The following UNC5D variants were observed in gnomAD, a reference collection of about 807,000 sequenced individuals.
UNC5D encodes netrin receptor UNC5D.
A neutral mutation model predicts 105.4 loss-of-function variants in UNC5D; 39 were observed. That is an observed-to-expected ratio of 0.37 (90% CI 0.29 to 0.48). The LOEUF (loss-of-function observed/expected upper bound fraction) is 0.48, where lower values mean the gene tolerates loss of function less well. Ranked by LOEUF, UNC5D falls within the 20% of genes least tolerant of loss-of-function variation. UNC5D has a pLI of 0.98. For missense variants in UNC5D, 991 were observed against 1,202.4 expected, an observed-to-expected ratio of 0.82 and a Z score of 2.60; for synonymous variants, 452 against 450.4, an observed-to-expected ratio of 1.00 and a Z score of -0.04.
chr8:35,602,120 A>G (rs941091292), intron 4 of UNC5D, among the ~76,000 whole-genome samples: 2 of 152,142 alleles, frequency 1.3e-5, no homozygotes, highest in African/African-American at 4.8e-5. Flanking sequence ...TCGTATGTTG[A>G]ACCAGTCTGG....
chr8:35,529,123 C>A (rs1445548878), intron 1 of UNC5D, among the ~76,000 whole-genome samples: 1 of 142,908 alleles, frequency 7.0e-6, no homozygotes, highest in Non-Finnish European at 1.5e-5. Context: ...AGTCCTTGCC[C>A]ATGCCTACGT....
At chr8:35,626,385 C>G (rs923394504) in intron 4 of UNC5D, among the ~76,000 whole-genome samples, 2 of 151,906 alleles carry the variant, frequency 1.3e-5, no homozygotes, top group Admixed American at 6.6e-5. Flanking sequence ...GTAATTATAA[C>G]CAAAAAATTA....
chr8:35,748,337 A>T (rs573946324), intron 11 of UNC5D, among the ~76,000 whole-genome samples, 190 bp from the exon 12 acceptor site: 7 of 152,334 alleles, frequency 4.6e-5, no homozygotes, highest in South Asian at 2.1e-4. Context: ...ATCTAGGCTT[A>T]AACTCCTTCC....
chr8:35,725,711 C>A (rs922905447), intron 9 of UNC5D, among the ~76,000 whole-genome samples: 1 of 152,132 alleles, frequency 6.6e-6, no homozygotes, highest in Admixed American at 6.6e-5. Flanking sequence ...CTAGTCACCA[C>A]GCTTTGTCAT....
At chr8:35,721,312 C>G (rs1342548269) in intron 8 of UNC5D, 9 of 647,736 alleles carry the variant, frequency 1.4e-5, no homozygotes, top group Non-Finnish European at 2.2e-5. Flanking sequence ...CATCATGGAT[C>G]TGCTACAGGA....
At chr8:35,558,238 A>T (rs1049131726) in intron 2 of UNC5D, among the ~76,000 whole-genome samples, 2 of 152,032 alleles carry the variant, frequency 1.3e-5, no homozygotes, top group South Asian at 4.1e-4. Context: ...AGTGACAGAC[A>T]CATACAGGGT....
rs1384092116 is a variant in UNC5D, at chr8:35,568,221, A to G, written c.446A>G (p.Lys149Arg). Residue 149 changes from lysine (K) to arginine (R), a missense_variant, in exon 3 of 17, where the codon AAG (lysine) becomes AGG (arginine). Coordinates refer to ENST00000404895, the MANE Select transcript of UNC5D (RefSeq NM_080872.4). The part of the protein sequence containing the change: ...WSHLGTSKSR[K>R]ASVRIAYLRK... Reference sequence around the variant, plus strand: ...CACCTGGGTACCTCCAAGAGCAGGAAGGCCTCTGTGCGCATAGCCTGTAAG... The same window carrying G: ...CACCTGGGTACCTCCAAGAGCAGGAGGGCCTCTGTGCGCATAGCCTGTAAG... 6.2e-7 allele frequency: 1 copy of G among 1,614,070 alleles called. No homozygotes were observed. Among genetic ancestry groups the G allele is most frequent in the Non-Finnish European group, 8.5e-7 (1 of 1,180,034 alleles).
chr8:35,328,451 C>T (rs963611100), intron 1 of UNC5D, among the ~76,000 whole-genome samples: 3 of 152,122 alleles, frequency 2.0e-5, no homozygotes, highest in Non-Finnish European at 1.5e-5. Flanking sequence ...TGGACATTCA[C>T]TTCCTGGAAA....
chr8:35,607,139 C>A (rs557692360), intron 4 of UNC5D, among the ~76,000 whole-genome samples: 1 of 152,276 alleles, frequency 6.6e-6, no homozygotes, highest in Non-Finnish European at 1.5e-5. Flanking sequence ...ATATGAAAAA[C>A]TTTCAGTGGC....
At chr8:35,428,832 G>C (rs1218624116) in intron 1 of UNC5D, among the ~76,000 whole-genome samples, 1 of 152,016 alleles carries the variant, frequency 6.6e-6, no homozygotes, top group African/African-American at 2.4e-5. Flanking sequence ...TCACTGAAGA[G>C]AGAGTGACTA....
chr8:35,560,876 T>G (rs2130750806), intron 2 of UNC5D, among the ~76,000 whole-genome samples: 1 of 152,334 alleles, frequency 6.6e-6, no homozygotes, highest in Non-Finnish European at 1.5e-5. Flanking sequence ...TGTTGAAATC[T>G]TGACTTCAGC....
intron 1 of UNC5D, among the ~76,000 whole-genome samples, chr8:35,271,455 A>G (rs1805324681): frequency 7.1e-6 from 1 of 140,062 alleles, no homozygotes; most frequent in African/African-American, 2.6e-5. Flanking sequence ...ATACACACAT[A>G]TGTGTGTAGG....
chr8:35,329,659 A>T (rs1314519549), intron 1 of UNC5D, among the ~76,000 whole-genome samples: 3 of 151,942 alleles, frequency 2.0e-5, no homozygotes, highest in African/African-American at 4.8e-5. Flanking sequence ...AAACCAGTTT[A>T]AAAAAAATTA....
intron 11 of UNC5D, among the ~76,000 whole-genome samples, chr8:35,745,350 C>T (rs936598002): frequency 3.3e-5 from 5 of 152,046 alleles, no homozygotes; most frequent in Non-Finnish European, 7.4e-5. Flanking sequence ...CTCCAGAGTA[C>T]GAATTGTAGC....
At chr8:35,596,723 C>G (rs937103910) in intron 4 of UNC5D, among the ~76,000 whole-genome samples, 2 of 152,164 alleles carry the variant, frequency 1.3e-5, no homozygotes, top group Admixed American at 1.3e-4. Context: ...GAGGGGGCTT[C>G]CAGGTCACAG....
chr8:35,572,804 C>CT (rs34528421), intron 3 of UNC5D, among the ~76,000 whole-genome samples: 15,651 of 135,846 alleles, frequency 0.12, 1,102 homozygotes, highest in African/African-American at 0.18. Flanking sequence ...TTTTATATTT[C>CT]TTTTTTTTTT....
chr8:35,342,642 C>T (rs1811531192), intron 1 of UNC5D, among the ~76,000 whole-genome samples: 1 of 151,996 alleles, frequency 6.6e-6, no homozygotes, highest in Non-Finnish European at 1.5e-5. Flanking sequence ...GTGAACCACA[C>T]CAGCCTAAAG....
chr8:35,369,247 G>C (rs1802296908), intron 1 of UNC5D, among the ~76,000 whole-genome samples: 1 of 152,120 alleles, frequency 6.6e-6, no homozygotes, highest in African/African-American at 2.4e-5. Context: ...GAATCACATG[G>C]AGTCCAGGCC....
intron 1 of UNC5D, among the ~76,000 whole-genome samples, chr8:35,287,231 G>A (rs986273322): frequency 5.9e-5 from 9 of 152,126 alleles, no homozygotes; most frequent in African/African-American, 1.7e-4. Flanking sequence ...CAGGCAACAT[G>A]ACACCACCAA....
Sources: gnomAD v4.1 joint callset for allele counts (sites outside exome capture counted in the v4.1 genomes callset) on GRCh38, gnomAD v4.1.1 for gene constraint, MANE v1.5 for transcripts, NCBI Gene and HGNC (gene_info 2026-07-23, HGNC 2026-07-21) for gene names.